Variants in CYP51A1 observed in about 807,000 individuals in gnomAD.
CYP51A1 encodes the protein cytochrome P450 family 51 subfamily A member 1.
Under a neutral mutation model 53.5 loss-of-function variants are expected in CYP51A1, and 45 were observed. That is an observed-to-expected ratio of 0.84 (90% CI 0.66 to 1.08). The LOEUF is 1.08. CYP51A1 is among the 50% of genes least tolerant of loss of function. CYP51A1 has a pLI of 0.00. For missense variants in CYP51A1, 462 were observed against 621.7 expected, an observed-to-expected ratio of 0.74 and a Z score of 2.73; for synonymous variants, 181 against 217.7, an observed-to-expected ratio of 0.83 and a Z score of 1.48.
intron 8 of CYP51A1, among the ~76,000 whole-genome samples, chr7:92,117,675 C>T (rs1819604713): frequency 6.6e-6 from 1 of 152,042 alleles, no homozygotes. Flanking sequence ...AAGAAAAATG[C>T]AGAACATGAT....
intron 8 of CYP51A1, among the ~76,000 whole-genome samples, chr7:92,117,960 C>A (rs1239245269): frequency 1.1e-4 from 17 of 149,880 alleles, no homozygotes; most frequent in Admixed American, 1.1e-3. Context: ...TGCACTCCAG[C>A]CTGGGCAACA....
intron 6 of CYP51A1, 72 bp from the exon 7 acceptor site, chr7:92,123,387 G>A (rs1819730582): frequency 8.1e-7 from 1 of 1,228,758 alleles, no homozygotes; most frequent in Admixed American, 2.1e-5. Context: ...TTTAAATAAA[G>A]TGTCATAATG....
intron 6 of CYP51A1, 93 bp downstream of exon 6, chr7:92,123,641 G>T: frequency 1.6e-6 from 2 of 1,230,462 alleles, no homozygotes; most frequent in Non-Finnish European, 2.2e-6. Context: ...TATTTTGCCA[G>T]CATCACTGTT....
chr7:92,126,409 G>A lies in CYP51A1; in HGVS notation c.614C>T (p.Ser205Phe). The A allele has an allele frequency of 6.2e-7, 1 of 1,612,868 alleles. No homozygotes were observed. The highest frequency in any genetic ancestry group is 8.5e-7 in the Non-Finnish European group (1 of 1,179,596). Reference protein sequence around the residue: ...SGEKNVFEALSELIILTASHC... With the variant: ...SGEKNVFEALFELIILTASHC... ...GCTAGCTGTTAAAATTATGAGCTCA[G>A]AAAGAGCTTCAAACACATCTAGGGA... The change falls in exon 5 of 10, where the codon TCT becomes TTT. Residue 205 changes from serine (S) to phenylalanine (F), a missense_variant. By Grantham distance (155) the Ser-to-Phe change is radical (BLOSUM62 -2). Transcript: ENST00000003100.
intron 9 of CYP51A1, among the ~76,000 whole-genome samples, chr7:92,115,630 T>C (rs1353443152): frequency 6.6e-6 from 1 of 152,198 alleles, no homozygotes; most frequent in Non-Finnish European, 1.5e-5. Context: ...GCCACCCATA[T>C]TGTAATTAGT....
At chr7:92,117,022 A>G (rs1819592091) in intron 9 of CYP51A1, 22 bp downstream of exon 9, 6 of 1,583,528 alleles carry the variant, frequency 3.8e-6, no homozygotes, top group South Asian at 2.3e-5. Flanking sequence ...AACATTTCCA[A>G]TCTAAAATAT....
At chr7:92,133,278 G>A (rs139348060) in intron 1 of CYP51A1, among the ~76,000 whole-genome samples, 1 of 147,012 alleles carries the variant, frequency 6.8e-6, no homozygotes, top group East Asian at 2.0e-4. Context: ...TTTTTGAGAC[G>A]GAGTCTCATT....
At chr7:92,134,534 G>A (rs1584641483), upstream of CYP51A1, 5 of 655,896 alleles carry the variant, frequency 7.6e-6, no homozygotes, top group East Asian at 1.5e-4. Context: ...CACAGAATGG[G>A]GCGGGATGTT....
At chr7:92,118,163 A>G (rs1260488367) in intron 8 of CYP51A1, among the ~76,000 whole-genome samples, 3 of 149,740 alleles carry the variant, frequency 2.0e-5, no homozygotes, top group African/African-American at 7.4e-5. Context: ...TTTTATTTTT[A>G]TTTTTTTTGA....
At position 92,123,289 on chromosome 7, in the gene CYP51A1, T is replaced by G; in HGVS notation, c.917A>C (p.Glu306Ala). ...TAATCCAATAAGCATCCCTGCTACT[T>G]CATCATCAGTCAAAGGACGCCCATC... The part of the protein sequence containing the change: ...YKDGRPLTDD[E>A]VAGMLIGLLL... The change falls in exon 7 of 10, where the codon GAA (glutamate) becomes GCA (alanine). Residue 306 changes from glutamate (E) to alanine (A), a missense_variant. Physicochemically the swap from Glu to Ala is moderately radical, Grantham distance 107. Transcript: ENST00000003100. 6.2e-7 allele frequency: 1 copy of G among 1,613,758 alleles called. No homozygotes were observed. The highest frequency in any genetic ancestry group is 8.5e-7 in the Non-Finnish European group (1 of 1,179,818).
chr7:92,117,653 C>T (rs371663710), intron 8 of CYP51A1, among the ~76,000 whole-genome samples: 2 of 152,098 alleles, frequency 1.3e-5, no homozygotes, highest in East Asian at 3.9e-4. Flanking sequence ...ATTTTTAAAA[C>T]CCCAATTGTT....
At chr7:92,133,267 T>TTG (rs1563182959) in intron 1 of CYP51A1, among the ~76,000 whole-genome samples, 1 of 151,958 alleles carries the variant, frequency 6.6e-6, no homozygotes, top group East Asian at 1.9e-4. Flanking sequence ...GATTTTTTTT[T>TTG]TTTTTGAGAC....
rs1312153346 is a variant in CYP51A1, at chr7:92,113,327, C to T, written c.*338G>A. 2 of 209,906 alleles carry T rather than the reference C, an allele frequency of 9.5e-6. No individual in the cohort carries two copies. The highest frequency in any genetic ancestry group is 1.9e-5 in the Non-Finnish European group (2 of 106,436). The allele number at this position is 209,906 out of a possible 1,614,324, so 13.0% of individuals were successfully genotyped here. Reference sequence around the variant, plus strand: ...TAGTCCAAGATTTGAATACCCTGAACTTATTTGGCAAGAGCGATGAGTACT... The same window carrying T: ...TAGTCCAAGATTTGAATACCCTGAATTTATTTGGCAAGAGCGATGAGTACT... On this transcript the variant is annotated 3_prime_UTR_variant, in exon 10 of 10. Coordinates refer to ENST00000003100, the MANE Select transcript of CYP51A1 (RefSeq NM_000786.4).
intron 4 of CYP51A1, 147 bp from the exon 5 acceptor site, chr7:92,126,574 CAA>C (rs1156830736): frequency 4.5e-6 from 3 of 660,878 alleles, no homozygotes; most frequent in Non-Finnish European, 7.4e-6. Context: ...TGTACAACAA[CAA>C]AGAGGGGCAA....
At chr7:92,129,113 G>A (rs1427000352) in intron 2 of CYP51A1, 57 bp from the exon 3 acceptor site, 2 of 1,088,102 alleles carry the variant, frequency 1.8e-6, no homozygotes, top group Non-Finnish European at 2.6e-6. Context: ...CACTACGACA[G>A]TAACTTTTTA....
intron 2 of CYP51A1, among the ~76,000 whole-genome samples, 156 bp from the exon 3 acceptor site, chr7:92,129,212 T>C (rs891353018): frequency 5.3e-5 from 8 of 152,226 alleles, no homozygotes; most frequent in Non-Finnish European, 1.0e-4. Context: ...CCTCCTTCCT[T>C]TGTCCAAATT....
At chr7:92,121,050 G>T (rs1010058624) in intron 7 of CYP51A1, among the ~76,000 whole-genome samples, 1 of 152,052 alleles carries the variant, frequency 6.6e-6, no homozygotes, top group African/African-American at 2.4e-5. Context: ...AGCACTTTGG[G>T]AGGCCAAGGC....
chr7:92,127,688 A>T, intron 3 of CYP51A1, 57 bp from the exon 4 acceptor site: 2 of 1,564,164 alleles, frequency 1.3e-6, no homozygotes, highest in Non-Finnish European at 1.8e-6. Flanking sequence ...GTTTTATCAT[A>T]AAATCCATTT....
intron 2 of CYP51A1, 26 bp from the exon 3 acceptor site, chr7:92,129,082 G>A: frequency 1.3e-6 from 2 of 1,492,680 alleles, no homozygotes; most frequent in Non-Finnish European, 1.8e-6. Context: ...TACATATAGT[G>A]ATGTTACAAA....
Sources: allele counts gnomAD v4.1 joint callset (sites outside exome capture counted in the v4.1 genomes callset), GRCh38; gene constraint gnomAD v4.1.1; transcripts MANE v1.5; gene names NCBI Gene and HGNC (gene_info 2026-07-23, HGNC 2026-07-21).